Variants in CLPTM1 observed in about 807,000 individuals in gnomAD.
CLPTM1 encodes putative lipid scramblase CLPTM1.
In CLPTM1, 21 loss-of-function variants were observed where a neutral mutation model predicts 77.3. That is an observed-to-expected ratio of 0.27 (90% CI 0.19 to 0.39). The LOEUF (loss-of-function observed/expected upper bound fraction) is 0.39. Ranked by LOEUF, CLPTM1 falls within the 10% of genes least tolerant of loss-of-function variation. The probability of loss-of-function intolerance (pLI) is 1.00; values close to 1 mark genes in which losing one functional copy is unlikely to be tolerated. For synonymous variants in CLPTM1, 373 were observed against 381.0 expected (o/e 0.98, Z 0.24); for missense variants, 642 against 921.2 (o/e 0.70, Z 3.92).
In CLPTM1 at chr19:44,991,160, T is replaced by C. The variant is rs1971068799; in HGVS notation, c.1420-78T>C. ...CCTGCCCGGCCTGCCAGACCAGGTG[T>C]GGTGGGTGAGGGCGGGGAGCAGGGC... On this transcript the variant is annotated intron_variant, in intron 11 of 13. Coordinates refer to ENST00000337392, the MANE Select transcript of CLPTM1 (RefSeq NM_001294.4). This position sits in a 1 kb window ranked among gnomAD's most constrained non-coding sequence, Gnocchi z 5.4. 7 of 1,594,482 alleles carry C rather than the reference T, an allele frequency of 4.4e-6. No individual in the cohort carries two copies. The highest frequency in any genetic ancestry group is 6.0e-6 in the Non-Finnish European group (7 of 1,168,430).
intron 1 of CLPTM1, among the ~76,000 whole-genome samples, chr19:44,957,118 G>A (rs1432630073): frequency 6.6e-6 from 1 of 152,234 alleles, no homozygotes; most frequent in Non-Finnish European, 1.5e-5. Context: ...CCCTGCGTGA[G>A]AACAACTGCG....
intron 5 of CLPTM1, among the ~76,000 whole-genome samples, chr19:44,980,878 C>CA (rs1970885056): frequency 6.6e-6 from 1 of 151,564 alleles, no homozygotes; most frequent in Non-Finnish European, 1.5e-5. Context: ...TGCTCTGTTG[C>CA]CCAGGCTGGA....
chr19:44,983,617 C>CAAAAAAAAA (rs35582067), intron 5 of CLPTM1, among the ~76,000 whole-genome samples: 4 of 39,788 alleles, frequency 1.0e-4, no homozygotes, highest in African/African-American at 2.7e-4. Flanking sequence ...GACTCTGTCT[C>CAAAAAAAAA]AAAAAAAAAA....
At chr19:44,987,516 C>A in intron 8 of CLPTM1, 93 bp downstream of exon 8, 1 of 1,507,902 alleles carries the variant, frequency 6.6e-7, no homozygotes, top group East Asian at 2.3e-5. Flanking sequence ...GTGGGACCTC[C>A]CGCCTGGTGC....
intron 2 of CLPTM1, 93 bp from the exon 3 acceptor site, chr19:44,972,994 C>A: frequency 6.5e-7 from 1 of 1,538,422 alleles, no homozygotes; most frequent in Non-Finnish European, 8.8e-7. Flanking sequence ...CCAGGTCAGG[C>A]GCCAGCATGT....
chr19:44,969,747 G>T (rs1970689087), intron 2 of CLPTM1, among the ~76,000 whole-genome samples: 1 of 150,490 alleles, frequency 6.6e-6, no homozygotes, highest in African/African-American at 2.5e-5. Context: ...GAGTCCAGTG[G>T]CATGATCTCG....
In CLPTM1 at chr19:44,991,031, C is replaced by T. The variant is rs938741518; in HGVS notation, c.1419+86C>T. The T allele has an allele frequency of 2.0e-5, 27 of 1,333,872 alleles. No homozygotes were observed. Among genetic ancestry groups the T allele is most frequent in the African/African-American group, 4.3e-5 (3 of 68,988 alleles). The allele number at this position is 1,333,872 out of a possible 1,614,324, so 82.6% of individuals were successfully genotyped here. ...CACCCGGGGCCGGCCATCTGTCTGC[C>T]GGACCCATGCTTTACAGCCTGTGCC... On this transcript the variant is annotated intron_variant, in intron 11 of 13. Coordinates refer to ENST00000337392, the MANE Select transcript of CLPTM1 (RefSeq NM_001294.4). This position sits in a 1 kb window ranked among gnomAD's most constrained non-coding sequence, Gnocchi z 5.4.
chr19:44,954,956 ACGAAAG>A, upstream of CLPTM1: 1 of 1,531,742 alleles, frequency 6.5e-7, no homozygotes, highest in Non-Finnish European at 8.7e-7. Flanking sequence ...GGTTCCTCTG[ACGAAAG>A]AGGGGCGTGG....
intron 6 of CLPTM1, 42 bp downstream of exon 6, chr19:44,985,345 G>A (rs376360891): frequency 7.3e-7 from 1 of 1,364,424 alleles, no homozygotes; most frequent in Non-Finnish European, 1.0e-6. Flanking sequence ...GACCAAGCCA[G>A]GCCATTCACA....
chr19:44,955,499 C>A (rs1970448004), intron 1 of CLPTM1, 32 bp downstream of exon 1: 2 of 1,272,846 alleles, frequency 1.6e-6, no homozygotes, highest in Non-Finnish European at 2.0e-6. Context: ...TGAGGGGGTT[C>A]TTCCCCAGCC....
At chr19:44,983,702 C>T (rs1970935561) in intron 5 of CLPTM1, among the ~76,000 whole-genome samples, 1 of 150,466 alleles carries the variant, frequency 6.6e-6, no homozygotes, top group Non-Finnish European at 1.5e-5. Context: ...GCAGCTCACA[C>T]CTGTAATCCC....
rs1376038241 is a variant in CLPTM1 at position 44,991,106 on chromosome 19, G to A, written c.1420-132G>A. ...CATAACTGCTTCCCTGGGCGAGTCC[G>A]GAGTCCCCAGGGCTACCTGGAAATT... On this transcript the variant is annotated intron_variant, in intron 11 of 13. Transcript: ENST00000337392. This position sits in a 1 kb window ranked among gnomAD's most constrained non-coding sequence, Gnocchi z 5.4. 18 of 1,481,346 alleles carry A rather than the reference G, an allele frequency of 1.2e-5. No homozygotes were observed. The Admixed American group carries it at 1.6e-4, about 13-fold the overall frequency. The allele number at this position is 1,481,346 out of a possible 1,614,324, so 91.8% of individuals were successfully genotyped here. A position where few individuals can be genotyped will look rare whatever the true frequency, so the allele number is the denominator to read the frequency against.
chr19:44,974,425 TC>T lies in CLPTM1; in HGVS notation c.310-12del, dbSNP rs1970772781. On this transcript the variant is annotated splice_polypyrimidine_tract_variant and intron_variant, in intron 3 of 13. Transcript: ENST00000337392. ...AGAGCAGGCCTGAGCTCTGTTCCCT[TC>T]CTGTCCCAACAGAACCTGCATGTGT... 1.2e-6 allele frequency: 2 copies of T among 1,607,946 alleles called. No individual in the cohort carries two copies. The highest frequency in any genetic ancestry group is 1.7e-6 in the Non-Finnish European group (2 of 1,175,150).
In CLPTM1 at chr19:44,991,110, T is replaced by G. The variant is rs1175415859; in HGVS notation, c.1420-128T>G. The G allele has an allele frequency of 4.0e-6, 6 of 1,493,602 alleles. No homozygotes were observed. Among genetic ancestry groups the G allele is most frequent in the Non-Finnish European group, 5.5e-6 (6 of 1,094,512 alleles). 92.5% of individuals were successfully genotyped at this position (1,493,602 alleles called of 1,614,324 possible). On this transcript the variant is annotated intron_variant, in intron 11 of 13. Coordinates refer to ENST00000337392, the MANE Select transcript of CLPTM1 (RefSeq NM_001294.4). The surrounding 1 kb of genome is among the most constrained non-coding windows in gnomAD (Gnocchi z 5.4). ...ACTGCTTCCCTGGGCGAGTCCGGAG[T>G]CCCCAGGGCTACCTGGAAATTCCCC...
At chr19:44,955,294 T>C, upstream of CLPTM1, 1 of 1,295,960 alleles carries the variant, frequency 7.7e-7, no homozygotes, top group Middle Eastern at 3.2e-4. Context: ...CCGGATAGGG[T>C]GGCCCGGCGG....
chr19:44,970,934 G>A (rs1254667068), intron 2 of CLPTM1, among the ~76,000 whole-genome samples: 4 of 145,288 alleles, frequency 2.8e-5, no homozygotes, highest in Non-Finnish European at 5.9e-5. Flanking sequence ...GGGTTCAAGC[G>A]ATTCTCCTGC....
At chr19:44,955,226 G>A, upstream of CLPTM1, 1 of 1,516,736 alleles carries the variant, frequency 6.6e-7, no homozygotes, top group East Asian at 2.5e-5. Flanking sequence ...CGGTGGCCAG[G>A]TTGGTCCTTC....
chr19:44,963,560 C>T (rs1426591697), intron 2 of CLPTM1, among the ~76,000 whole-genome samples: 1 of 151,908 alleles, frequency 6.6e-6, no homozygotes, highest in African/African-American at 2.4e-5. Flanking sequence ...CTCCTGACCT[C>T]ATGATCCGCC....
chr19:44,988,918 C>T (rs936558049), intron 9 of CLPTM1, among the ~76,000 whole-genome samples: 1 of 152,144 alleles, frequency 6.6e-6, no homozygotes, highest in Non-Finnish European at 1.5e-5. Context: ...TGGTGGCTCT[C>T]GCCTGTAATC....
Sources: gnomAD v4.1 joint callset for allele counts (sites outside exome capture counted in the v4.1 genomes callset) on GRCh38, gnomAD v4.1.1 for gene constraint, Gnocchi (gnomAD v3.1) non-coding constraint, MANE v1.5 for transcripts, NCBI Gene and HGNC (gene_info 2026-07-23, HGNC 2026-07-21) for gene names.